Variants in RYR2 observed in about 807,000 individuals in gnomAD.
RYR2 encodes ryanodine receptor 2.
RYR2 carries 227 observed loss-of-function variants against 601.1 expected under a neutral mutation model. That is an observed-to-expected ratio of 0.38 (90% confidence interval 0.34 to 0.42). The LOEUF (loss-of-function observed/expected upper bound fraction) is 0.42, where lower values mean the gene tolerates loss of function less well. Ranked by LOEUF, RYR2 falls within the 10% of genes least tolerant of loss-of-function variation. The pLI, the probability that RYR2 is intolerant of heterozygous loss-of-function variation, is 1.00. For missense variants in RYR2, 4,646 were observed against 6,156.5 expected (o/e 0.75, Z 8.21); for synonymous variants, 2,223 against 2,175.1 (o/e 1.02, Z -0.61).
chr1:237,135,577 C>A (rs1207769020), intron 1 of RYR2, among the ~76,000 whole-genome samples: 1 of 150,542 alleles, frequency 6.6e-6, no homozygotes, highest in Non-Finnish European at 1.5e-5. Flanking sequence ...GGGTTTTCAC[C>A]TCCTTAACCA....
intron 1 of RYR2, among the ~76,000 whole-genome samples, chr1:237,248,819 T>A (rs772276339): frequency 1.3e-5 from 2 of 150,192 alleles, no homozygotes; most frequent in Non-Finnish European, 3.0e-5. Context: ...TAGAGTGCAA[T>A]GGCGTGATCT....
At chr1:237,738,698 G>A (rs995498082) in intron 79 of RYR2, among the ~76,000 whole-genome samples, 1 of 151,200 alleles carries the variant, frequency 6.6e-6, no homozygotes, top group African/African-American at 2.4e-5. Flanking sequence ...TTTTTTTATT[G>A]TTGTGTTATT....
At position 237,561,896 on chromosome 1, in the gene RYR2, A is replaced by G. The variant is rs572109538; in HGVS notation, c.3215-4671A>G. On this transcript the variant is annotated intron_variant, in intron 27 of 104. Coordinates refer to ENST00000366574, the MANE Select transcript of RYR2 (RefSeq NM_001035.3). ...TTTTGAACAAGGATGGTGGGAATAA[A>G]AATTAAAAGATAGATGTTGAGAGAT... 7.2e-5 allele frequency among the ~76,000 whole-genome samples: 11 copies of G among 152,266 alleles called. No individual in the cohort carries two copies. The East Asian group carries it at 1.5e-3, about 21-fold the overall frequency.
At chr1:237,291,079 A>T (rs1692136123) in intron 2 of RYR2, among the ~76,000 whole-genome samples, 2 of 152,184 alleles carry the variant, frequency 1.3e-5, no homozygotes, top group Admixed American at 1.3e-4. Context: ...CAAGGTGATT[A>T]TACCTACTAA....
At chr1:237,441,272 G>A in intron 12 of RYR2, 47 bp from the exon 13 acceptor site, 9 of 1,607,366 alleles carry the variant, frequency 5.6e-6, no homozygotes, top group Non-Finnish European at 7.7e-6. Flanking sequence ...CCATACACTA[G>A]TATTTTTGAA....
intron 41 of RYR2, among the ~76,000 whole-genome samples, chr1:237,630,128 A>G (rs966937805): frequency 6.6e-6 from 1 of 152,198 alleles, no homozygotes; most frequent in Non-Finnish European, 1.5e-5. Flanking sequence ...GTGCCATTAA[A>G]AAGTAAATCA....
At position 237,182,409 on chromosome 1, in the gene RYR2, C is replaced by T. The variant is rs186193573; in HGVS notation, c.49-88088C>T. Among the ~76,000 whole-genome samples the T allele has an allele frequency of 2.9e-4, 44 of 152,102 alleles. No homozygotes were observed. The East Asian group carries it at 4.7e-3, about 16-fold the overall frequency. ...TGCTGGGATTACAGGCGTGAGCCACCGCACCCAGCTCCCTGGGGCTTCTTT... is the reference window on the plus strand; with the variant it reads ...TGCTGGGATTACAGGCGTGAGCCACTGCACCCAGCTCCCTGGGGCTTCTTT... On this transcript the variant is annotated intron_variant, in intron 1 of 104. Coordinates refer to ENST00000366574, the MANE Select transcript of RYR2 (RefSeq NM_001035.3).
intron 1 of RYR2, among the ~76,000 whole-genome samples, chr1:237,084,090 G>A (rs545528074): frequency 6.6e-6 from 1 of 152,056 alleles, no homozygotes; most frequent in Non-Finnish European, 1.5e-5. Flanking sequence ...TTTGGTCCTC[G>A]GTCCTCCATC....
At chr1:237,447,553 T>C (rs1020454516) in intron 14 of RYR2, among the ~76,000 whole-genome samples, 2 of 152,158 alleles carry the variant, frequency 1.3e-5, no homozygotes, top group African/African-American at 4.8e-5. Flanking sequence ...GATGGTTACA[T>C]TAACCCCTAT....
At chr1:237,526,820 T>C (rs1034689827) in intron 24 of RYR2, among the ~76,000 whole-genome samples, 19 of 152,250 alleles carry the variant, frequency 1.2e-4, no homozygotes, top group Non-Finnish European at 2.5e-4. Context: ...TGCTTTTTAG[T>C]TTGATTAAGT....
chr1:237,485,112 C>T (rs1180551824), intron 17 of RYR2, among the ~76,000 whole-genome samples: 2 of 152,148 alleles, frequency 1.3e-5, no homozygotes, highest in East Asian at 1.9e-4. Context: ...AATCCTAGCA[C>T]TAAGAAATAT....
intron 3 of RYR2, among the ~76,000 whole-genome samples, chr1:237,333,452 T>C (rs1368709178): frequency 6.6e-6 from 1 of 152,108 alleles, no homozygotes; most frequent in African/African-American, 2.4e-5. Flanking sequence ...AGGCCTCTAT[T>C]GTATTTATGG....
rs796694908 is a variant in RYR2 at position 237,728,190 on chromosome 1, G to GA, written c.10838+999dup. ...AGTTTGAGTGAATGTATAAGGCAAA[G>GA]AAAAAAAAGAAACATAAGCAAAACA... On this transcript the variant is annotated intron_variant, in intron 76 of 104. Transcript: ENST00000366574. Among the ~76,000 whole-genome samples the GA allele has an allele frequency of 8.6e-5, 13 of 151,724 alleles. 1 individual carries two copies. Among genetic ancestry groups the GA allele is most frequent in the African/African-American group, 2.9e-4 (12 of 41,418 alleles).
At chr1:237,315,188 C>A (rs1465572594) in intron 2 of RYR2, among the ~76,000 whole-genome samples, 1 of 152,038 alleles carries the variant, frequency 6.6e-6, no homozygotes, top group African/African-American at 2.4e-5. Flanking sequence ...CTAAGCCATC[C>A]CTTAACTCCA....
At position 237,630,425 on chromosome 1, in the gene RYR2, A is replaced by G. The variant is rs543144082; in HGVS notation, c.6441-1002A>G. On this transcript the variant is annotated intron_variant, in intron 41 of 104. Coordinates refer to ENST00000366574, the MANE Select transcript of RYR2 (RefSeq NM_001035.3). ...GGGCATCAAGTTTTTTTTCTGACCT[A>G]TGCTATCTAAAAGCCCTGTTCATTA... is the stretch of plus-strand genomic sequence containing the variant. Among the ~76,000 whole-genome samples the G allele has an allele frequency of 3.3e-5, 5 of 152,262 alleles. No homozygotes were observed. In the South Asian group the frequency reaches 8.3e-4, roughly 25 times the overall value.
At chr1:237,390,139 A>G (rs1191909965) in intron 10 of RYR2, among the ~76,000 whole-genome samples, 1 of 152,156 alleles carries the variant, frequency 6.6e-6, no homozygotes, top group Non-Finnish European at 1.5e-5. Flanking sequence ...GTTAAATGCT[A>G]TGGTGTGTTT....
chr1:237,795,614 C>T lies in RYR2; in HGVS notation c.13956+283C>T, dbSNP rs567968906. On this transcript the variant is annotated intron_variant, in intron 96 of 104. Transcript: ENST00000366574. ...TCCAGGCGCCTGCCACCACACCCGGCTAATTTTTGTATTTTTAGTCGAGAT... is the reference window on the plus strand; with the variant it reads ...TCCAGGCGCCTGCCACCACACCCGGTTAATTTTTGTATTTTTAGTCGAGAT... 1.8e-3 allele frequency among the ~76,000 whole-genome samples: 155 copies of T among 88,098 alleles called. 1 individual carries two copies. Among genetic ancestry groups the T allele is most frequent in the African/African-American group, 5.4e-3 (148 of 27,264 alleles). The allele number at this position is 88,098 out of a possible 152,430, so 57.8% of individuals were successfully genotyped here.
rs145903382 is a variant in RYR2, at chr1:237,530,925, C to G, written c.2906+415C>G. On this transcript the variant is annotated intron_variant, in intron 25 of 104. Transcript: ENST00000366574. Reference sequence around the variant, plus strand: ...ACTCCATCTCAAAAAAAAAAAAATTCAGATTCAAAAATTTAAACTAACTGA... The same window carrying G: ...ACTCCATCTCAAAAAAAAAAAAATTGAGATTCAAAAATTTAAACTAACTGA... Among the ~76,000 whole-genome samples the G allele has an allele frequency of 2.0e-5, 3 of 149,356 alleles. No individual in the cohort carries two copies. The Admixed American group carries it at 2.0e-4, about 10-fold the overall frequency.
intron 1 of RYR2, among the ~76,000 whole-genome samples, chr1:237,254,796 T>C (rs1687789030): frequency 6.6e-6 from 1 of 152,212 alleles, no homozygotes; most frequent in Non-Finnish European, 1.5e-5. Flanking sequence ...GAACAGACAA[T>C]GCTCTCTGGT....
Sources: allele counts gnomAD v4.1 joint callset (sites outside exome capture counted in the v4.1 genomes callset), GRCh38; gene constraint gnomAD v4.1.1; transcripts MANE v1.5; gene names NCBI Gene and HGNC (gene_info 2026-07-23, HGNC 2026-07-21).